Variants in GAP43 observed in about 807,000 individuals in gnomAD.
GAP43 encodes the protein neuromodulin.
GAP43 carries 6 observed loss-of-function variants against 18.6 expected under a neutral mutation model. The observed-to-expected ratio is 0.32, with a 90% CI of 0.18 to 0.64. The LOEUF is 0.64. Ranked by LOEUF, GAP43 falls within the 30% of genes least tolerant of loss-of-function variation. The pLI is 0.78. For synonymous variants in GAP43, 115 were observed against 111.4 expected (o/e 1.03, Z -0.20); for missense variants, 292 against 295.5 (o/e 0.99, Z 0.09).
At chr3:115,701,693 G>A (rs1036310168) in intron 2 of GAP43, among the ~76,000 whole-genome samples, 2 of 151,882 alleles carry the variant, frequency 1.3e-5, no homozygotes, top group Admixed American at 6.6e-5. Context: ...TTTTTTAGTT[G>A]CTGTGTTCTA....
At chr3:115,705,068 T>G (rs1216149284) in intron 2 of GAP43, among the ~76,000 whole-genome samples, 2 of 151,936 alleles carry the variant, frequency 1.3e-5, no homozygotes, top group Non-Finnish European at 2.9e-5. Flanking sequence ...TAAGGGAAAA[T>G]TAAACAACAA....
At chr3:115,637,768 A>G (rs1489539011) in intron 1 of GAP43, among the ~76,000 whole-genome samples, 4 of 151,848 alleles carry the variant, frequency 2.6e-5, no homozygotes, top group East Asian at 1.9e-4. Context: ...AGGAACCCCA[A>G]TCTCAACAGG....
At chr3:115,653,481 T>C (rs374341109) in intron 1 of GAP43, among the ~76,000 whole-genome samples, 12 of 152,156 alleles carry the variant, frequency 7.9e-5, no homozygotes, top group African/African-American at 2.4e-4. Flanking sequence ...ATTTTTCCAA[T>C]GTCAAAGGAG....
At chr3:115,705,163 A>T (rs1709344617) in intron 2 of GAP43, among the ~76,000 whole-genome samples, 1 of 152,172 alleles carries the variant, frequency 6.6e-6, no homozygotes, top group Non-Finnish European at 1.5e-5. Flanking sequence ...AATGAATATG[A>T]CTCATAAATG....
intron 2 of GAP43, among the ~76,000 whole-genome samples, chr3:115,695,096 A>G (rs1026570370): frequency 5.9e-5 from 9 of 152,352 alleles, no homozygotes; most frequent in African/African-American, 1.9e-4. Context: ...AGTGCTTTAC[A>G]TAAACTACCA....
intron 2 of GAP43, among the ~76,000 whole-genome samples, chr3:115,719,888 G>C (rs745792199): frequency 1.3e-5 from 2 of 152,138 alleles, no homozygotes; most frequent in Non-Finnish European, 2.9e-5. Context: ...TAGCATATTA[G>C]TAAACTATCA....
intron 1 of GAP43, among the ~76,000 whole-genome samples, chr3:115,635,165 A>T (rs1198261090): frequency 6.6e-6 from 1 of 152,030 alleles, no homozygotes; most frequent in African/African-American, 2.4e-5. Flanking sequence ...GGACTTGTTT[A>T]TCCTAATAAA....
chr3:115,708,217 C>A (rs1159173067), intron 2 of GAP43, among the ~76,000 whole-genome samples: 6 of 152,178 alleles, frequency 3.9e-5, no homozygotes, highest in African/African-American at 1.4e-4. Context: ...ATACCACAAA[C>A]TATGATATAA....
chr3:115,701,055 G>C (rs1244223145), intron 2 of GAP43, among the ~76,000 whole-genome samples: 1 of 152,052 alleles, frequency 6.6e-6, no homozygotes, highest in African/African-American at 2.4e-5. Context: ...CCCTGTTTCA[G>C]ACTAAAGGGT....
At chr3:115,637,324 A>T (rs1708342041) in intron 1 of GAP43, among the ~76,000 whole-genome samples, 1 of 152,092 alleles carries the variant, frequency 6.6e-6, no homozygotes, top group African/African-American at 2.4e-5. Flanking sequence ...ACTCTGTGAT[A>T]AGCTCTGTAT....
intron 2 of GAP43, among the ~76,000 whole-genome samples, chr3:115,715,946 A>G (rs1709496954): frequency 6.6e-6 from 1 of 152,186 alleles, no homozygotes; most frequent in Non-Finnish European, 1.5e-5. Context: ...TACGTAAACC[A>G]TTCAGTCTCC....
intron 1 of GAP43, among the ~76,000 whole-genome samples, chr3:115,674,398 A>G (rs1559797864): frequency 6.6e-6 from 1 of 152,172 alleles, no homozygotes; most frequent in Non-Finnish European, 1.5e-5. Context: ...TGCCTACACA[A>G]TTCTTTCTAT....
At chr3:115,643,542 T>C (rs1708423810) in intron 1 of GAP43, among the ~76,000 whole-genome samples, 1 of 152,082 alleles carries the variant, frequency 6.6e-6, no homozygotes, top group Non-Finnish European at 1.5e-5. Context: ...TGCAATAGCC[T>C]GGGAGATTTG....
chr3:115,638,166 A>T (rs1708353691), intron 1 of GAP43, among the ~76,000 whole-genome samples: 1 of 152,014 alleles, frequency 6.6e-6, no homozygotes, highest in Non-Finnish European at 1.5e-5. Flanking sequence ...CAGCAGCCAG[A>T]GTGCTATTTT....
intron 2 of GAP43, among the ~76,000 whole-genome samples, chr3:115,683,153 A>G (rs1201336428): frequency 0.017 from 2,237 of 128,302 alleles, 14 homozygotes; most frequent in Non-Finnish European, 0.023. Flanking sequence ...GCGCGCACAC[A>G]CACACACACA....
At chr3:115,691,185 A>C (rs762604144) in intron 2 of GAP43, among the ~76,000 whole-genome samples, 1 of 152,248 alleles carries the variant, frequency 6.6e-6, no homozygotes, top group Non-Finnish European at 1.5e-5. Flanking sequence ...GGTGACCCAA[A>C]GTAAAGTATT....
chr3:115,673,978 G>C (rs778577426), intron 1 of GAP43, among the ~76,000 whole-genome samples: 10 of 152,206 alleles, frequency 6.6e-5, no homozygotes, highest in Non-Finnish European at 1.2e-4. Context: ...CCACTGGTAT[G>C]TTGATGGTCC....
At chr3:115,654,453 C>T (rs943338175) in intron 1 of GAP43, among the ~76,000 whole-genome samples, 3 of 152,216 alleles carry the variant, frequency 2.0e-5, no homozygotes, top group African/African-American at 4.8e-5. Flanking sequence ...GCTACTTCAG[C>T]TCACCTTTCT....
intron 1 of GAP43, chr3:115,658,908 C>G (rs558901783): frequency 6.6e-6 from 1 of 152,582 alleles, no homozygotes; most frequent in East Asian, 1.9e-4. Flanking sequence ...GCCTTCAGCT[C>G]CCACCCGCAG....
Sources: gnomAD v4.1 joint callset for allele counts (sites outside exome capture counted in the v4.1 genomes callset) on GRCh38, gnomAD v4.1.1 for gene constraint, MANE v1.5 for transcripts, NCBI Gene and HGNC (gene_info 2026-07-23, HGNC 2026-07-21) for gene names.